Variants in GOLIM4 observed in about 807,000 individuals in gnomAD.
GOLIM4 encodes the protein golgi integral membrane protein 4, also known as 130 kDa golgi-localized phosphoprotein.
In GOLIM4, 71 loss-of-function variants were observed where a neutral mutation model predicts 107.4. That is an observed-to-expected ratio of 0.66 (90% confidence interval 0.55 to 0.81). The LOEUF (loss-of-function observed/expected upper bound fraction) is 0.81. GOLIM4 is among the 30% of genes least tolerant of loss of function. The pLI is 0.00. For missense variants in GOLIM4, 830 were observed against 826.1 expected, an observed-to-expected ratio of 1.00 and a Z score of -0.06; for synonymous variants, 327 against 294.8, an observed-to-expected ratio of 1.11 and a Z score of -1.12.
chr3:168,062,351 T>C (rs375014874), intron 1 of GOLIM4, among the ~76,000 whole-genome samples: 2 of 151,912 alleles, frequency 1.3e-5, no homozygotes, highest in Non-Finnish European at 2.9e-5. Flanking sequence ...CCATTTGTAA[T>C]GTAGGAACAC....
chr3:168,080,122 T>C (rs895275555), intron 1 of GOLIM4, among the ~76,000 whole-genome samples: 1 of 152,042 alleles, frequency 6.6e-6, no homozygotes, highest in Non-Finnish European at 1.5e-5. Context: ...AGAAGAACAG[T>C]TGGGTAACAT....
intron 7 of GOLIM4, among the ~76,000 whole-genome samples, chr3:168,040,232 T>C (rs965547455): frequency 1.3e-5 from 2 of 152,216 alleles, no homozygotes; most frequent in African/African-American, 4.8e-5. Flanking sequence ...ACTGAGGGCC[T>C]GCCTTGTGCC....
intron 9 of GOLIM4, among the ~76,000 whole-genome samples, chr3:168,031,466 CATAT>C (rs1718335687): frequency 6.6e-6 from 1 of 152,084 alleles, no homozygotes; most frequent in Non-Finnish European, 1.5e-5. Flanking sequence ...AAAATATATA[CATAT>C]ATTATGCATC....
At chr3:168,010,596 T>C (rs1381380828) in intron 15 of GOLIM4, 147 bp downstream of exon 15, 1 of 773,516 alleles carries the variant, frequency 1.3e-6, no homozygotes, top group Non-Finnish European at 2.1e-6. Context: ...CAACTTTTCC[T>C]AATTTCAGGT....
At chr3:168,018,003 G>A (rs1443179279) in intron 14 of GOLIM4, among the ~76,000 whole-genome samples, 1 of 152,018 alleles carries the variant, frequency 6.6e-6, no homozygotes, top group South Asian at 2.1e-4. Context: ...AGAAATACAG[G>A]GTAGGGCATT....
At chr3:168,094,478 T>G (rs1480200006) in intron 1 of GOLIM4, among the ~76,000 whole-genome samples, 1 of 152,218 alleles carries the variant, frequency 6.6e-6, no homozygotes, top group East Asian at 1.9e-4. Flanking sequence ...GTATGTAGTG[T>G]GGACTTTTCC....
intron 6 of GOLIM4, 43 bp downstream of exon 6, chr3:168,041,349 A>G (rs1421037898): frequency 9.2e-7 from 1 of 1,087,240 alleles, no homozygotes; most frequent in South Asian, 1.3e-5. Context: ...TACCAAATAA[A>G]GCAGGCAAAC....
rs1302634300 is a variant in GOLIM4, at chr3:168,095,230, A to G, written c.56T>C (p.Leu19Pro). The change falls in exon 1 of 16, where the codon CTG (leucine) becomes CCG (proline). Residue 19 changes from leucine to proline, a missense_variant. Transcript: ENST00000470487. ...KQKRIFQTLL[L>P]LTVVFGFLYG... is the part of the protein sequence containing the mutation. ...GAGAAAGCCGAACACGACGGTCAGC[A>G]GCAGCAGCGTCTGGAAAATCCGCTT... 2 of 1,613,502 alleles carry G rather than the reference A, an allele frequency of 1.2e-6. No homozygotes were observed. The highest frequency in any genetic ancestry group is 2.2e-5 in the East Asian group (1 of 44,878).
At chr3:168,073,917 T>C (rs1205186865) in intron 1 of GOLIM4, among the ~76,000 whole-genome samples, 1 of 152,168 alleles carries the variant, frequency 6.6e-6, no homozygotes, top group East Asian at 1.9e-4. Flanking sequence ...TGTACTCCCC[T>C]TCTACATGGT....
chr3:168,081,584 G>C (rs1431742811), intron 1 of GOLIM4, among the ~76,000 whole-genome samples: 3 of 152,178 alleles, frequency 2.0e-5, no homozygotes, highest in Non-Finnish European at 4.4e-5. Flanking sequence ...GTGTGAGTAA[G>C]AGCCCGGAGT....
Position 168,010,190 on chromosome 3 carries a change from A to C in GOLIM4, c.*79T>G. ...CTTAATTTTTGTAATTAAATATCCT[A>C]GAGTTCAGTAGGCAGATTTATGTTT... On this transcript the variant is annotated 3_prime_UTR_variant, in exon 16 of 16. Coordinates refer to ENST00000470487, the MANE Select transcript of GOLIM4 (RefSeq NM_014498.5). The C allele has an allele frequency of 4.7e-6, 6 of 1,274,522 alleles. No homozygotes were observed. Among genetic ancestry groups the C allele is most frequent in the Non-Finnish European group, 6.5e-6 (6 of 923,980 alleles). The allele number at this position is 1,274,522 out of a possible 1,614,324, so 79.0% of individuals were successfully genotyped here. A position where few individuals can be genotyped will look rare whatever the true frequency, so the allele number is the denominator to read the frequency against.
At position 168,032,796 on chromosome 3, in the gene GOLIM4, T is replaced by G; in HGVS notation, c.900A>C (p.Glu300Asp). The G allele has an allele frequency of 4.3e-6, 7 of 1,614,070 alleles. No individual in the cohort carries two copies. Among genetic ancestry groups the G allele is most frequent in the Non-Finnish European group, 5.9e-6 (7 of 1,179,974 alleles). The change falls in exon 9 of 16, where the codon GAA becomes GAC. Residue 300 changes from glutamate (E) to aspartate (D), a missense_variant. By Grantham distance (45) the Glu-to-Asp change is conservative (BLOSUM62 2). Transcript: ENST00000470487. ...GGGTGGGAGCATAGAGTTTTGTGTC[T>G]TCTGCTCTTCCAGGAACTGCTTCAT... ...QNHEAVPGRA[E>D]DTKLYAPTHK... is the part of the protein sequence containing the mutation.
chr3:168,072,899 T>G (rs770843345), intron 1 of GOLIM4, among the ~76,000 whole-genome samples: 35 of 152,198 alleles, frequency 2.3e-4, no homozygotes, highest in Non-Finnish European at 4.0e-4. Flanking sequence ...TATATGATGA[T>G]CATATGTAAT....
chr3:168,066,938 C>T (rs4566589), intron 1 of GOLIM4, among the ~76,000 whole-genome samples: 84,863 of 151,870 alleles, frequency 0.56, 25,432 homozygotes, highest in African/African-American at 0.74. Flanking sequence ...CATGGTAGTT[C>T]TTGTGAGTGT....
At chr3:168,039,106 T>C (rs1200304509) in intron 7 of GOLIM4, among the ~76,000 whole-genome samples, 1 of 152,130 alleles carries the variant, frequency 6.6e-6, no homozygotes, top group African/African-American at 2.4e-5. Context: ...TAGGGTGTTT[T>C]GTTATAGCAG....
chr3:168,027,078 G>A (rs1054378471), intron 12 of GOLIM4, among the ~76,000 whole-genome samples: 3 of 152,128 alleles, frequency 2.0e-5, no homozygotes, highest in African/African-American at 4.8e-5. Context: ...TTGTAGGCAG[G>A]GCCAAGGATC....
At chr3:168,037,451 T>TACACACAC (rs10628217) in intron 7 of GOLIM4, among the ~76,000 whole-genome samples, 9 of 149,622 alleles carry the variant, frequency 6.0e-5, no homozygotes, top group South Asian at 4.2e-4. Context: ...TAAATACACA[T>TACACACAC]ACACACACAC....
intron 11 of GOLIM4, among the ~76,000 whole-genome samples, chr3:168,028,609 C>G (rs1015678875): frequency 6.6e-6 from 1 of 152,138 alleles, no homozygotes; most frequent in Non-Finnish European, 1.5e-5. Flanking sequence ...GATATGAGAA[C>G]AAAAAAGCTT....
chr3:168,033,606 C>T (rs1400551228), intron 8 of GOLIM4, among the ~76,000 whole-genome samples: 1 of 31,298 alleles, frequency 3.2e-5, no homozygotes. Context: ...GACTCCGTCT[C>T]AAAAAAAAAA....
Sources: allele counts gnomAD v4.1 joint callset (sites outside exome capture counted in the v4.1 genomes callset), GRCh38; gene constraint gnomAD v4.1.1; transcripts MANE v1.5; gene names NCBI Gene and HGNC (gene_info 2026-07-23, HGNC 2026-07-21).